Variants in TMEM232 observed in about 807,000 individuals in gnomAD.
TMEM232 encodes transmembrane protein 232.
Under a neutral mutation model 78.8 loss-of-function variants are expected in TMEM232, and 80 were observed. That is an observed-to-expected ratio of 1.01 (90% confidence interval 0.85 to 1.22). The LOEUF (loss-of-function observed/expected upper bound fraction) is 1.22, where lower values mean the gene tolerates loss of function less well. Among genes scored for constraint, TMEM232 ranks in the 50% most tolerant of loss-of-function variants. TMEM232 has a pLI of 0.00. For missense variants in TMEM232, 881 were observed against 742.2 expected (o/e 1.19, Z -2.17); for synonymous variants, 297 against 254.3 (o/e 1.17, Z -1.60).
intron 2 of TMEM232, among the ~76,000 whole-genome samples, chr5:110,645,721 G>A (rs1054254371): frequency 7.3e-5 from 11 of 151,626 alleles, no homozygotes; most frequent in Non-Finnish European, 1.5e-4. Flanking sequence ...GTCTTAGCCA[G>A]AGCAAGTAAG....
chr5:110,546,047 A>G (rs900051776), intron 11 of TMEM232, among the ~76,000 whole-genome samples: 2 of 152,086 alleles, frequency 1.3e-5, no homozygotes, highest in African/African-American at 4.8e-5. Context: ...TTTATATTGA[A>G]TTTGTCACAT....
At chr5:110,474,234 G>A (rs1762997787) in intron 12 of TMEM232, among the ~76,000 whole-genome samples, 1 of 151,912 alleles carries the variant, frequency 6.6e-6, no homozygotes, top group East Asian at 1.9e-4. Context: ...ACACTGAAAT[G>A]TCACATGGTA....
At chr5:110,458,530 A>C (rs1207668364) in intron 12 of TMEM232, among the ~76,000 whole-genome samples, 2 of 151,986 alleles carry the variant, frequency 1.3e-5, no homozygotes, top group African/African-American at 2.4e-5. Flanking sequence ...TCTGCAGGAG[A>C]GATGGGTGCT....
chr5:110,591,990 C>G (rs1369700140), intron 10 of TMEM232, among the ~76,000 whole-genome samples: 2 of 152,054 alleles, frequency 1.3e-5, no homozygotes, highest in East Asian at 3.9e-4. Context: ...GGCTTTATTA[C>G]TAATGATCAT....
chr5:110,721,006 T>C (rs1339029005), intron 1 of TMEM232: 1 of 152,152 alleles, frequency 6.6e-6, no homozygotes, highest in Non-Finnish European at 1.5e-5. Context: ...ATATACTCAC[T>C]TGCTAAAGGT....
At chr5:110,470,891 A>G (rs1446378140) in intron 12 of TMEM232, among the ~76,000 whole-genome samples, 6 of 152,232 alleles carry the variant, frequency 3.9e-5, no homozygotes, top group African/African-American at 1.4e-4. Flanking sequence ...AACAGGTCCC[A>G]AAGAATTGAA....
chr5:110,588,303 T>C lies in TMEM232; in HGVS notation c.1276+16806A>G, dbSNP rs553852074. The stretch of plus-strand genomic sequence containing the variant: ...AGGAAGAATGCCATATTTTACTTTT[T>C]CCATTTTGAGACAACACTGAATGGA... On this transcript the variant is annotated intron_variant, in intron 10 of 13. Coordinates refer to ENST00000455884, the MANE Select transcript of TMEM232 (RefSeq NM_001039763.4). 3.1e-3 allele frequency among the ~76,000 whole-genome samples: 465 copies of C among 152,282 alleles called. 1 individual carries two copies. Among genetic ancestry groups the C allele is most frequent in the Middle Eastern group, 0.024 (7 of 294 alleles).
Position 110,528,765 on chromosome 5 carries a change from T to A in TMEM232, c.1526A>T (p.Glu509Val), listed in dbSNP as rs1275909239. The A allele has an allele frequency of 5.9e-6, 9 of 1,533,892 alleles. No homozygotes were observed. Among genetic ancestry groups the A allele is most frequent in the Non-Finnish European group, 7.9e-6 (9 of 1,145,886 alleles). The change falls in exon 12 of 14, where the codon GAA (glutamate) becomes GTA (valine). Residue 509 changes from glutamate (E) to valine (V), a missense_variant. Glu to Val is a moderately radical substitution (Grantham distance 121). Transcript: ENST00000455884. ...CCACCCAATATATTTGGAGAAAACTTCTTCTCCTACATTTGATGAAATATT... is the reference window on the plus strand; with the variant it reads ...CCACCCAATATATTTGGAGAAAACTACTTCTCCTACATTTGATGAAATATT... ...STNISSNVGE[E>V]VFSKYIGWRI...
intron 2 of TMEM232, among the ~76,000 whole-genome samples, chr5:110,403,382 A>G (rs964021468): frequency 4.6e-5 from 7 of 152,082 alleles, no homozygotes; most frequent in Non-Finnish European, 7.4e-5. Context: ...GCCTCAGGAT[A>G]GAACATTCAT....
At chr5:110,600,049 C>T (rs1780696098) in intron 10 of TMEM232, among the ~76,000 whole-genome samples, 1 of 152,136 alleles carries the variant, frequency 6.6e-6, no homozygotes, top group Non-Finnish European at 1.5e-5. Flanking sequence ...CAACAACCTG[C>T]TCCTGGATGA....
At position 110,601,233 on chromosome 5, in the gene TMEM232, C is replaced by T. The variant is rs112007784; in HGVS notation, c.1276+3876G>A. 3.9e-3 allele frequency among the ~76,000 whole-genome samples: 587 copies of T among 152,028 alleles called. 11 individuals carry two copies. The highest frequency in any genetic ancestry group is 0.032 in the Admixed American group (483 of 15,246). On this transcript the variant is annotated intron_variant, in intron 10 of 13. Transcript: ENST00000455884. ...AGGCAAAAGCTAGAAGTATTCCCTT[C>T]GACAACTGGCACCAAAGATGCCCTC...
intron 1 of TMEM232, among the ~76,000 whole-genome samples, chr5:110,716,973 G>C (rs377647037): frequency 1.3e-5 from 2 of 152,208 alleles, no homozygotes; most frequent in East Asian, 1.9e-4. Context: ...ACAGCAATTT[G>C]TCTATCCATC....
chr5:110,596,288 C>A (rs1366728218), intron 10 of TMEM232, among the ~76,000 whole-genome samples: 1 of 152,194 alleles, frequency 6.6e-6, no homozygotes, highest in Non-Finnish European at 1.5e-5. Context: ...TTCCTCGACA[C>A]ATACACTCTC....
intron 11 of TMEM232, 130 bp downstream of exon 11, chr5:110,568,317 A>C (rs1269438615): frequency 1.6e-5 from 15 of 942,054 alleles, no homozygotes; most frequent in Non-Finnish European, 2.0e-5. Context: ...TTAAGTTTTA[A>C]AAATATTATT....
chr5:110,696,088 C>G (rs149693291), intron 1 of TMEM232, among the ~76,000 whole-genome samples: 91,697 of 152,018 alleles, frequency 0.6, 32,011 homozygotes, highest in Non-Finnish European at 0.79. Flanking sequence ...AGCAGCACAT[C>G]AAAAAGCTTA....
intron 12 of TMEM232, among the ~76,000 whole-genome samples, chr5:110,517,720 G>C (rs1768881418): frequency 6.6e-6 from 1 of 152,194 alleles, no homozygotes; most frequent in Admixed American, 6.5e-5. Context: ...ATTCTCATTT[G>C]GGGAGGAGAC....
At chr5:110,683,980 A>G (rs1354544896) in intron 1 of TMEM232, among the ~76,000 whole-genome samples, 3 of 152,062 alleles carry the variant, frequency 2.0e-5, no homozygotes, top group Non-Finnish European at 4.4e-5. Flanking sequence ...GATATATGCC[A>G]AAGAATAATT....
intron 1 of TMEM232, among the ~76,000 whole-genome samples, chr5:110,719,702 AG>A (rs2150342319): frequency 6.6e-6 from 1 of 152,154 alleles, no homozygotes; most frequent in East Asian, 1.9e-4. Context: ...CACTCTGTGA[AG>A]CTTTTGATGC....
chr5:110,541,283 C>A (rs1773076210), intron 11 of TMEM232, among the ~76,000 whole-genome samples: 2 of 152,124 alleles, frequency 1.3e-5, no homozygotes, highest in African/African-American at 4.8e-5. Flanking sequence ...CAAAATGCCT[C>A]CTCTAATAGA....
Sources: allele counts gnomAD v4.1 joint callset (sites outside exome capture counted in the v4.1 genomes callset), GRCh38; gene constraint gnomAD v4.1.1; transcripts MANE v1.5; gene names NCBI Gene and HGNC (gene_info 2026-07-23, HGNC 2026-07-21).